The following SLC7A6 variants were observed in gnomAD, a reference collection of about 807,000 sequenced individuals.
SLC7A6 encodes solute carrier family 7 member 6.
SLC7A6 carries 29 observed loss-of-function variants against 46.6 expected under a neutral mutation model. The observed-to-expected ratio is 0.62, with a 90% confidence interval of 0.46 to 0.85. SLC7A6 has a LOEUF of 0.85. Ranked by LOEUF, SLC7A6 falls within the 40% of genes least tolerant of loss-of-function variation. SLC7A6 has a pLI of 0.00. For missense variants in SLC7A6, 527 were observed against 647.6 expected (o/e 0.81, Z 2.02); for synonymous variants, 276 against 257.3 (o/e 1.07, Z -0.70).
Position 68,296,349 on chromosome 16 carries a change from AC to A in SLC7A6, c.1120-11del. On this transcript the variant is annotated splice_polypyrimidine_tract_variant and intron_variant, in intron 8 of 10. Coordinates refer to ENST00000219343, the MANE Select transcript of SLC7A6 (RefSeq NM_003983.6). ...GGTGACGATGCTCACCTGTCTCCCC[AC>A]CCCTTTCCCACAGTGCACCATGGCA... The A allele has an allele frequency of 6.2e-7, 1 of 1,613,444 alleles. No individual in the cohort carries two copies. The highest frequency in any genetic ancestry group is 8.5e-7 in the Non-Finnish European group (1 of 1,179,874).
intron 2 of SLC7A6, chr16:68,272,983 C>T (rs2042647422): frequency 6.6e-6 from 1 of 152,328 alleles, no homozygotes; most frequent in South Asian, 2.1e-4. Context: ...ACCTGCATGG[C>T]TTGGTGCCAG....
chr16:68,297,397 T>A lies in SLC7A6; in HGVS notation c.*69T>A. On this transcript the variant is annotated 3_prime_UTR_variant, in exon 11 of 11. Transcript: ENST00000219343. ...GCAAAATCCTGATAACAAGACTCTG[T>A]GGGCCCAACTCTCCTGAATTAAAGG... is the stretch of plus-strand genomic sequence containing the variant. 1.5e-6 allele frequency: 2 copies of A among 1,294,168 alleles called. No homozygotes were observed. The highest frequency in any genetic ancestry group is 2.2e-6 in the Non-Finnish European group (2 of 902,814). The allele number at this position is 1,294,168 out of a possible 1,614,324, so 80.2% of individuals were successfully genotyped here. A position where few individuals can be genotyped will look rare whatever the true frequency, so the allele number is the denominator to read the frequency against.
chr16:68,290,309 C>G, intron 4 of SLC7A6, 87 bp from the exon 5 acceptor site: 1 of 1,383,586 alleles, frequency 7.2e-7, no homozygotes, highest in African/African-American at 1.4e-5. Flanking sequence ...CCTTTCGTAT[C>G]TTTCTCTTAC....
intron 7 of SLC7A6, among the ~76,000 whole-genome samples, chr16:68,294,022 C>T (rs977709988): frequency 2.1e-4 from 32 of 152,130 alleles, no homozygotes; most frequent in African/African-American, 7.7e-4. Flanking sequence ...CTCAGCCTCC[C>T]GAGTAGCTGG....
Position 68,290,463 on chromosome 16 carries a change from C to T in SLC7A6, c.717C>T (p.Ala239=), listed in dbSNP as rs777143667. ...GGGACATGGGAAACCTCTCTCTTGCCCTCTACTCTGCCCTCTTCTCTTACT... is the reference window on the plus strand; with the variant it reads ...GGGACATGGGAAACCTCTCTCTTGCTCTCTACTCTGCCCTCTTCTCTTACT... ...SSWDMGNLSL[A]LYSALFSYSG... Residue 239 remains alanine (A), a synonymous_variant, in exon 5 of 11, where the codon GCC becomes GCT. Coordinates refer to ENST00000219343, the MANE Select transcript of SLC7A6 (RefSeq NM_003983.6). 3.7e-6 allele frequency: 6 copies of T among 1,614,146 alleles called. No individual in the cohort carries two copies. Among genetic ancestry groups the T allele is most frequent in the South Asian group, 1.1e-5 (1 of 91,082 alleles).
intron 3 of SLC7A6, among the ~76,000 whole-genome samples, chr16:68,278,933 G>A (rs928792442): frequency 2.6e-5 from 4 of 151,796 alleles, no homozygotes; most frequent in East Asian, 1.9e-4. Flanking sequence ...GCTGCCGGGC[G>A]GAGGCGCCCC....
At chr16:68,284,288 A>G (rs2042884232) in intron 3 of SLC7A6, 1 of 152,198 alleles carries the variant, frequency 6.6e-6, no homozygotes, top group African/African-American at 2.4e-5. Flanking sequence ...CGTCGTTCCA[A>G]TTTTAGTATA....
At chr16:68,289,555 CT>C (rs1384681517) in intron 4 of SLC7A6, among the ~76,000 whole-genome samples, 1 of 152,134 alleles carries the variant, frequency 6.6e-6, no homozygotes, top group Admixed American at 6.5e-5. Flanking sequence ...ATAGCCAGCT[CT>C]TTTTACCACA....
chr16:68,287,544 A>G, intron 3 of SLC7A6: 1 of 1,438,810 alleles, frequency 7.0e-7, no homozygotes, highest in Non-Finnish European at 9.2e-7. Context: ...CTTGAGCACC[A>G]GTAGTGATGG....
At chr16:68,294,881 G>A (rs1242008015) in intron 8 of SLC7A6, 80 bp downstream of exon 8, 2 of 947,108 alleles carry the variant, frequency 2.1e-6, no homozygotes, top group East Asian at 2.5e-5. Flanking sequence ...TTAAATAAGA[G>A]GGACCCTGAG....
In SLC7A6 at chr16:68,274,718, C is replaced by A; in HGVS notation, c.-9C>A. ...CACAGCAAACACAGGTGTGCAGGAACCGTTTGTCATGGAAGCCAGGGAGCC... is the reference window on the plus strand; with the variant it reads ...CACAGCAAACACAGGTGTGCAGGAAACGTTTGTCATGGAAGCCAGGGAGCC... On this transcript the variant is annotated 5_prime_UTR_variant, in exon 3 of 11. Transcript: ENST00000219343. 1.9e-6 allele frequency: 3 copies of A among 1,613,758 alleles called. No individual in the cohort carries two copies.
chr16:68,275,094 T>C lies in SLC7A6; in HGVS notation c.368T>C (p.Ile123Thr). ...ATTCTAGAGGCCTTTGGGGGCTTCA[T>C]TGCCTTCATCCGCCTGTGGGTCTCA... Reference protein sequence around the residue: ...AYILEAFGGFIAFIRLWVSLL... With the variant: ...AYILEAFGGFTAFIRLWVSLL... The change falls in exon 3 of 11, where the codon ATT (isoleucine) becomes ACT (threonine). Residue 123 changes from isoleucine to threonine, a missense_variant. By Grantham distance (89) the Ile-to-Thr change is moderately conservative. Coordinates refer to ENST00000219343, the MANE Select transcript of SLC7A6 (RefSeq NM_003983.6). The C allele has an allele frequency of 4.3e-6, 7 of 1,614,202 alleles. No homozygotes were observed. The highest frequency in any genetic ancestry group is 1.3e-5 in the African/African-American group (1 of 75,052).
intron 3 of SLC7A6, among the ~76,000 whole-genome samples, chr16:68,278,938 CG>C (rs1311790341): frequency 2.0e-5 from 3 of 150,292 alleles, no homozygotes; most frequent in African/African-American, 7.4e-5. Context: ...CGGGCGGAGG[CG>C]CCCCCCACCT....
Position 68,297,869 on chromosome 16 carries a change from CGT to C in SLC7A6, c.*544_*545del, listed in dbSNP as rs1567598177. On this transcript the variant is annotated 3_prime_UTR_variant, in exon 11 of 11. Coordinates refer to ENST00000219343, the MANE Select transcript of SLC7A6 (RefSeq NM_003983.6). ...AGAACACCAGTTCTAACGAAGCATGCGTGTCTCTTCATCTACAGGATGCAATA... is the reference window on the plus strand; with the variant it reads ...AGAACACCAGTTCTAACGAAGCATGCGTCTCTTCATCTACAGGATGCAATA... The C allele has an allele frequency of 1.3e-5, 2 of 152,690 alleles. No individual in the cohort carries two copies. The highest frequency in any genetic ancestry group is 1.3e-4 in the Admixed American group (2 of 15,286). 9.5% of individuals were successfully genotyped at this position (152,690 alleles called of 1,614,324 possible). A position where few individuals can be genotyped will look rare whatever the true frequency, so the allele number is the denominator to read the frequency against.
At position 68,291,591 on chromosome 16, in the gene SLC7A6, T is replaced by C; in HGVS notation, c.952T>C (p.Trp318Arg). 6.2e-7 allele frequency: 1 copy of C among 1,614,232 alleles called. No homozygotes were observed. Among genetic ancestry groups the C allele is most frequent in the Non-Finnish European group, 8.5e-7 (1 of 1,180,044 alleles). The change falls in exon 7 of 11, where the codon TGG (tryptophan) becomes CGG (arginine). Residue 318 changes from tryptophan (W) to arginine (R), a missense_variant. Transcript: ENST00000219343. ...TGACCAGACGTTTGGCATGTTCAGCTGGACCATCCCCATTGCTGTTGCCCT... is the reference window on the plus strand; with the variant it reads ...TGACCAGACGTTTGGCATGTTCAGCCGGACCATCCCCATTGCTGTTGCCCT... ...FADQTFGMFS[W>R]TIPIAVALSC... is the part of the protein sequence containing the mutation.
chr16:68,268,485 A>T (rs1288256168), intron 2 of SLC7A6, among the ~76,000 whole-genome samples: 3 of 152,214 alleles, frequency 2.0e-5, no homozygotes, highest in African/African-American at 7.2e-5. Context: ...TCCTTTAGTC[A>T]TTACAAAAAT....
chr16:68,284,470 TG>T, intron 3 of SLC7A6: 1 of 175,428 alleles, frequency 5.7e-6, no homozygotes, highest in African/African-American at 2.4e-5. Flanking sequence ...TCCTTCCAGC[TG>T]GTCTATTGGA....
chr16:68,287,047 G>A (rs888335562), intron 3 of SLC7A6, among the ~76,000 whole-genome samples: 4 of 148,674 alleles, frequency 2.7e-5, no homozygotes, highest in South Asian at 2.2e-4. Context: ...TGGAGTGCAC[G>A]GCTCACTGCT....
intron 3 of SLC7A6, among the ~76,000 whole-genome samples, chr16:68,281,053 G>C (rs2042821528): frequency 6.6e-6 from 1 of 152,208 alleles, no homozygotes; most frequent in Admixed American, 6.5e-5. Flanking sequence ...CCTTTTAAAT[G>C]GAGTATGGAC....
Sources: gnomAD v4.1 joint callset for allele counts (sites outside exome capture counted in the v4.1 genomes callset) on GRCh38, gnomAD v4.1.1 for gene constraint, MANE v1.5 for transcripts, NCBI Gene and HGNC (gene_info 2026-07-23, HGNC 2026-07-21) for gene names.